EFHC1: variants seen among roughly 807,000 people sequenced by gnomAD.
The protein encoded by EFHC1 is EF-hand domain-containing protein 1.
Under a neutral mutation model 69.9 loss-of-function variants are expected in EFHC1, and 53 were observed. The observed-to-expected ratio is 0.76, with a 90% CI of 0.61 to 0.95. The LOEUF is 0.95. Among genes scored for constraint, EFHC1 ranks in the 40% least tolerant of loss-of-function variants. The pLI is 0.00. For missense variants in EFHC1, 739 were observed against 798.7 expected (o/e 0.93, Z 0.90); for synonymous variants, 256 against 278.4 (o/e 0.92, Z 0.80).
intron 3 of EFHC1, among the ~76,000 whole-genome samples, chr6:52,441,595 G>A (rs902505502): frequency 7.9e-5 from 12 of 151,964 alleles, no homozygotes; most frequent in African/African-American, 2.7e-4. Context: ...CTCTTTTTGG[G>A]TACCATTGAA....
chr6:52,476,122 A>G (rs1765541173), intron 7 of EFHC1, among the ~76,000 whole-genome samples: 1 of 152,212 alleles, frequency 6.6e-6, no homozygotes, highest in South Asian at 2.1e-4. Context: ...AGGGCTCTGC[A>G]ACCAGTGGTA....
At chr6:52,448,380 G>T (rs543858014) in intron 3 of EFHC1, among the ~76,000 whole-genome samples, 1 of 152,224 alleles carries the variant, frequency 6.6e-6, no homozygotes, top group Non-Finnish European at 1.5e-5. Flanking sequence ...CCAGGTGCGG[G>T]ATATAATCTC....
intron 3 of EFHC1, among the ~76,000 whole-genome samples, chr6:52,441,441 A>C (rs1325090968): frequency 6.6e-6 from 1 of 152,014 alleles, no homozygotes; most frequent in Non-Finnish European, 1.5e-5. Flanking sequence ...TGAGCTCCCT[A>C]TTCTATTCCA....
In EFHC1 at chr6:52,454,093, A is replaced by G. The variant is rs1474732351; in HGVS notation, c.724-2A>G. On this transcript the variant is annotated splice_acceptor_variant, in intron 4 of 10. Coordinates refer to ENST00000371068, the MANE Select transcript of EFHC1 (RefSeq NM_018100.4). LOFTEE classifies it high-confidence loss of function. ...TGAGTCACTACTTTGGATTCTTCAAAGGTCCTTCGATTCTATGCAATCTGG... is the reference window on the plus strand; with the variant it reads ...TGAGTCACTACTTTGGATTCTTCAAGGGTCCTTCGATTCTATGCAATCTGG... 1 of 1,612,938 alleles carries G rather than the reference A, an allele frequency of 6.2e-7. No homozygotes were observed. The highest frequency in any genetic ancestry group is 8.5e-7 in the Non-Finnish European group (1 of 1,179,948).
At position 52,479,221 on chromosome 6, in the gene EFHC1, G is replaced by C. The variant is rs376265750; in HGVS notation, c.1463G>C (p.Ser488Thr). ...GACAACCCTGTCTACTATGGCCCCA[G>C]TGACTTCTTCATTGGTGCTGTGATT... Reference protein sequence around the residue: ...TVDNPVYYGPSDFFIGAVIEV... With the variant: ...TVDNPVYYGPTDFFIGAVIEV... Residue 488 changes from serine (S) to threonine (T), a missense_variant, in exon 8 of 11, where the codon AGT becomes ACT. By Grantham distance (58) the Ser-to-Thr change is moderately conservative (BLOSUM62 1). Transcript: ENST00000371068. The C allele has an allele frequency of 1.2e-6, 2 of 1,614,006 alleles. No individual in the cohort carries two copies. Among genetic ancestry groups the C allele is most frequent in the African/African-American group, 2.7e-5 (2 of 74,908 alleles).
chr6:52,452,760 C>G lies in EFHC1; in HGVS notation c.646C>G (p.Arg216Gly). The G allele has an allele frequency of 6.2e-7, 1 of 1,614,138 alleles. No individual in the cohort carries two copies. Among genetic ancestry groups the G allele is most frequent in the Non-Finnish European group, 8.5e-7 (1 of 1,180,020 alleles). The change falls in exon 4 of 11, where the codon CGA becomes GGA. Residue 216 changes from arginine (R) to glycine (G), a missense_variant. By Grantham distance (125) the Arg-to-Gly change is moderately radical. Transcript: ENST00000371068. ...GGCTCTTGATCCTTACACTGAACTC[C>G]GAAAACAGCCTCTTCGTAAGTATGT... ...KMALDPYTEL[R>G]KQPLRKYVTP...
intron 5 of EFHC1, among the ~76,000 whole-genome samples, chr6:52,457,685 A>C (rs1263641025): frequency 6.6e-6 from 1 of 152,238 alleles, no homozygotes. Context: ...CTTTTGACTT[A>C]ACAAAAGCTT....
chr6:52,474,568 G>A (rs868134111), intron 7 of EFHC1, among the ~76,000 whole-genome samples: 35 of 152,070 alleles, frequency 2.3e-4, no homozygotes, highest in Admixed American at 2.2e-3. Flanking sequence ...TTATAATAGC[G>A]TAATTCATAA....
intron 8 of EFHC1, 116 bp downstream of exon 8, chr6:52,479,366 G>T (rs1429519012): frequency 4.2e-5 from 49 of 1,173,754 alleles, no homozygotes; most frequent in Non-Finnish European, 3.7e-6. Context: ...CTGAGATAAA[G>T]CTACTATCCT....
At chr6:52,456,666 C>T (rs1391111210) in intron 5 of EFHC1, among the ~76,000 whole-genome samples, 1 of 152,188 alleles carries the variant, frequency 6.6e-6, no homozygotes, top group African/African-American at 2.4e-5. Context: ...ATAATCCCGT[C>T]ACTTTGGGAG....
At chr6:52,438,255 C>G (rs1244943194) in intron 2 of EFHC1, 49 bp from the exon 3 acceptor site, 1 of 1,565,996 alleles carries the variant, frequency 6.4e-7, no homozygotes, top group East Asian at 2.3e-5. Context: ...TTTCAGATGA[C>G]TATGACAAGC....
rs1764245296 is a variant in EFHC1, at chr6:52,423,954, C to T, written c.72C>T (p.Ala24=). Residue 24 remains alanine, a synonymous_variant, in exon 2 of 11, where the codon GCC becomes GCT. Transcript: ENST00000371068. ...ATTCTTTTCTTCTTCAGAAAACAGC[C>T]TTCCACAGAAGTCAGACGCTGAGCT... ...GTSFKDSTKT[A]FHRSQTLSYR... The T allele has an allele frequency of 4.3e-6, 7 of 1,614,028 alleles. No individual in the cohort carries two copies. The African/African-American group carries it at 9.3e-5, about 22-fold the overall frequency.
At position 52,465,074 on chromosome 6, in the gene EFHC1, C is replaced by T. The variant is rs573582894; in HGVS notation, c.1096C>T (p.Arg366Cys). 8.1e-6 allele frequency: 13 copies of T among 1,613,998 alleles called. No individual in the cohort carries two copies. The African/African-American group carries it at 9.3e-5, about 12-fold the overall frequency. ...GAAGTTTGGAATCACTGATTTACCA[C>T]GTATTGATGTGAGCAAGCGGGAACC... ...KEKFGITDLP[R>C]IDVSKREPPP... Residue 366 changes from arginine (R) to cysteine (C), a missense_variant, in exon 6 of 11, where the codon CGT becomes TGT. By Grantham distance (180) the Arg-to-Cys change is radical (BLOSUM62 -3). Coordinates refer to ENST00000371068, the MANE Select transcript of EFHC1 (RefSeq NM_018100.4).
At chr6:52,491,948 T>C (rs1157863081) in intron 10 of EFHC1, among the ~76,000 whole-genome samples, 1 of 152,208 alleles carries the variant, frequency 6.6e-6, no homozygotes, top group African/African-American at 2.4e-5. Flanking sequence ...TTTGCCAACA[T>C]CCTGCTTTCA....
intron 1 of EFHC1, chr6:52,423,639 A>C: frequency 1.7e-6 from 1 of 574,104 alleles, no homozygotes. Flanking sequence ...AATAGGCACA[A>C]GCCACCACAC....
chr6:52,475,156 G>T (rs1291260248), intron 7 of EFHC1, among the ~76,000 whole-genome samples: 1 of 152,256 alleles, frequency 6.6e-6, no homozygotes, highest in African/African-American at 2.4e-5. Flanking sequence ...GTAATTTTCA[G>T]ATGTTTTCCC....
chr6:52,462,901 A>AG (rs398001577), intron 5 of EFHC1, among the ~76,000 whole-genome samples: 1 of 151,464 alleles, frequency 6.6e-6, no homozygotes, highest in African/African-American at 2.4e-5. Context: ...AAAAAAAAAA[A>AG]GCATTCTTTA....
At chr6:52,454,543 A>G in intron 5 of EFHC1, among the ~76,000 whole-genome samples, 1 of 152,222 alleles carries the variant, frequency 6.6e-6, no homozygotes, top group African/African-American at 2.4e-5. Flanking sequence ...AGTGCAGCAG[A>G]GCAAGGTTTC....
intron 3 of EFHC1, among the ~76,000 whole-genome samples, chr6:52,451,667 T>A (rs1336102625): frequency 6.6e-6 from 1 of 152,194 alleles, no homozygotes; most frequent in East Asian, 1.9e-4. Flanking sequence ...TTTCCTTAAT[T>A]TGATTGTTGG....
Sources: gnomAD v4.1 joint callset for allele counts (sites outside exome capture counted in the v4.1 genomes callset) on GRCh38, gnomAD v4.1.1 for gene constraint, MANE v1.5 for transcripts, NCBI Gene and HGNC (gene_info 2026-07-23, HGNC 2026-07-21) for gene names.